Variants in SLC22A24 observed in about 807,000 individuals in gnomAD.
The protein encoded by SLC22A24 is steroid transmembrane transporter SLC22A24.
SLC22A24 carries 53 observed loss-of-function variants against 49.8 expected under a neutral mutation model. The ratio of observed to expected loss-of-function variants is 1.06; its 90% CI spans 0.85 to 1.34. The LOEUF is 1.34. SLC22A24 is among the 40% of genes most tolerant of loss of function. The probability of loss-of-function intolerance (pLI) is 0.00; values close to 1 mark genes in which losing one functional copy is unlikely to be tolerated. For missense variants in SLC22A24, 786 were observed against 675.9 expected (o/e 1.16, Z -1.81); for synonymous variants, 302 against 256.4 (o/e 1.18, Z -1.70).
chr11:63,143,599 C>A lies in SLC22A24; in HGVS notation c.181G>T (p.Asp61Tyr). The A allele has an allele frequency of 1.3e-6, 2 of 1,576,128 alleles. No individual in the cohort carries two copies. The highest frequency in any genetic ancestry group is 1.4e-5 in the African/African-American group (1 of 73,528). The change falls in exon 1 of 10, where the codon GAC becomes TAC. Residue 61 changes from aspartate (D) to tyrosine (Y), a missense_variant. Transcript: ENST00000612278. ...VPLLDNDTVS[D>Y]NDTGTLSKDD... is the part of the protein sequence containing the mutation. Reference sequence around the variant, plus strand: ...TTGCTGAGGGTCCCGGTATCATTGTCAGACACAGTGTCATTGTCCAGGAGG... The same window carrying A: ...TTGCTGAGGGTCCCGGTATCATTGTAAGACACAGTGTCATTGTCCAGGAGG...
intron 5 of SLC22A24, among the ~76,000 whole-genome samples, chr11:63,103,926 C>A (rs10736722): frequency 6.6e-6 from 1 of 152,156 alleles, no homozygotes; most frequent in African/African-American, 2.4e-5. Flanking sequence ...TTCCCCTATA[C>A]GTCTAGGGTA....
At chr11:63,094,206 T>G (rs2087038421) in intron 6 of SLC22A24, among the ~76,000 whole-genome samples, 1 of 145,008 alleles carries the variant, frequency 6.9e-6, no homozygotes, top group African/African-American at 2.5e-5. Flanking sequence ...GTGTTCTCAT[T>G]GTTCAATTCC....
At chr11:63,110,778 A>G (rs985186946) in intron 4 of SLC22A24, among the ~76,000 whole-genome samples, 10 of 137,328 alleles carry the variant, frequency 7.3e-5, no homozygotes, top group Non-Finnish European at 3.2e-5. Flanking sequence ...TAGATATACA[A>G]TCATGTCGTC....
rs2087259622 is a variant in SLC22A24 at position 63,122,585 on chromosome 11, G to C, written c.507-3250C>G. On this transcript the variant is annotated intron_variant, in intron 2 of 9. Transcript: ENST00000612278. ...GCTGGAGTGCGGTGGTGCCATCTCG[G>C]CTCACTGCAACCTCCGCCTCCTGGG... Among the ~76,000 whole-genome samples, 3 of 152,126 alleles carry C rather than the reference G, an allele frequency of 2.0e-5. No individual in the cohort carries two copies. The South Asian group carries it at 6.2e-4, about 32-fold the overall frequency.
chr11:63,095,947 T>C (rs915170214), intron 6 of SLC22A24, 44 bp downstream of exon 6: 19 of 1,324,834 alleles, frequency 1.4e-5, no homozygotes, highest in South Asian at 7.7e-5. Flanking sequence ...AACAGTTTTG[T>C]GTCTCCAATA....
At chr11:63,127,012 G>T (rs1173941237) in intron 2 of SLC22A24, among the ~76,000 whole-genome samples, 1 of 152,026 alleles carries the variant, frequency 6.6e-6, no homozygotes, top group Non-Finnish European at 1.5e-5. Context: ...AAGTTCTAGG[G>T]TACATGTGCA....
intron 6 of SLC22A24, among the ~76,000 whole-genome samples, chr11:63,088,116 A>C (rs1285996529): frequency 6.6e-6 from 1 of 152,192 alleles, no homozygotes; most frequent in Non-Finnish European, 1.5e-5. Flanking sequence ...CCTGACCCCC[A>C]CGCCTCCTGA....
At chr11:63,115,227 G>C (rs2087203381) in intron 4 of SLC22A24, among the ~76,000 whole-genome samples, 1 of 152,214 alleles carries the variant, frequency 6.6e-6, no homozygotes, top group African/African-American at 2.4e-5. Context: ...CACCCAGTTC[G>C]AGCTTCCTGG....
Position 63,113,011 on chromosome 11 carries a change from CAAA to C in SLC22A24, c.830+5898_830+5900del, listed in dbSNP as rs869264212. Among the ~76,000 whole-genome samples, 69 of 12,022 alleles carry C rather than the reference CAAA, an allele frequency of 5.7e-3. 20 individuals are homozygous for C. Among genetic ancestry groups the C allele is most frequent in the African/African-American group, 0.024 (55 of 2,336 alleles). The allele number at this position is 12,022 out of a possible 152,430, so 7.9% of individuals were successfully genotyped here. On this transcript the variant is annotated intron_variant, in intron 4 of 9. Coordinates refer to ENST00000612278, the MANE Select transcript of SLC22A24 (RefSeq NM_001136506.2). ...GCCTGTGTGACAGCAGACTCTGTCT[CAAA>C]AAAAAAAAAAAAAAAAAAAAAATAT... is the stretch of plus-strand genomic sequence containing the variant.
At chr11:63,132,372 TA>T (rs1391193415) in intron 2 of SLC22A24, among the ~76,000 whole-genome samples, 1 of 152,228 alleles carries the variant, frequency 6.6e-6, no homozygotes, top group Non-Finnish European at 1.5e-5. Context: ...CTCTGGTTTT[TA>T]GAATTTTCCA....
chr11:63,106,062 C>T (rs1458244486), intron 4 of SLC22A24, among the ~76,000 whole-genome samples: 2 of 150,906 alleles, frequency 1.3e-5, no homozygotes, highest in African/African-American at 4.9e-5. Context: ...GGTATATCTC[C>T]TAAAGCTATC....
At chr11:63,122,067 A>G (rs774674577) in intron 2 of SLC22A24, among the ~76,000 whole-genome samples, 1 of 152,194 alleles carries the variant, frequency 6.6e-6, no homozygotes, top group Admixed American at 6.5e-5. Context: ...AAGGAAAATG[A>G]TTAACTGAAT....
intron 1 of SLC22A24, among the ~76,000 whole-genome samples, chr11:63,137,183 G>A (rs1775930851): frequency 6.6e-6 from 1 of 152,216 alleles, no homozygotes; most frequent in Non-Finnish European, 1.5e-5. Context: ...CTAGTAGGAA[G>A]AGTCCTGGTT....
intron 4 of SLC22A24, among the ~76,000 whole-genome samples, chr11:63,117,748 C>A (rs1565333949): frequency 6.6e-6 from 1 of 152,132 alleles, no homozygotes; most frequent in Non-Finnish European, 1.5e-5. Context: ...GTATATAATG[C>A]ATATAACACA....
intron 2 of SLC22A24, among the ~76,000 whole-genome samples, chr11:63,122,390 T>G (rs2087258184): frequency 6.6e-6 from 1 of 152,170 alleles, no homozygotes; most frequent in Non-Finnish European, 1.5e-5. Context: ...TCAATGAGGA[T>G]TATCCTTTCA....
Position 63,127,086 on chromosome 11 carries a change from G to A in SLC22A24, c.506+7579C>T, listed in dbSNP as rs569542029. ...ATTGGTTTGCTGCACCCATCAAGTC[G>A]TCATTTACATTAGGTATTTCTCCTA... On this transcript the variant is annotated intron_variant, in intron 2 of 9. Transcript: ENST00000612278. 5.3e-5 allele frequency among the ~76,000 whole-genome samples: 8 copies of A among 152,154 alleles called. No individual in the cohort carries two copies. In the East Asian group the frequency reaches 1.2e-3, roughly 22 times the overall value.
intron 2 of SLC22A24, 45 bp from the exon 3 acceptor site, chr11:63,119,380 A>G: frequency 2.1e-6 from 3 of 1,462,306 alleles, no homozygotes; most frequent in Non-Finnish European, 2.7e-6. Context: ...AACAAAAATA[A>G]CACGTGGAAA....
At chr11:63,087,973 T>G (rs116640987) in intron 6 of SLC22A24, among the ~76,000 whole-genome samples, 1 of 152,132 alleles carries the variant, frequency 6.6e-6, no homozygotes, top group Non-Finnish European at 1.5e-5. Context: ...GGAGTGGCTG[T>G]GGGCGCAGCT....
At chr11:63,133,058 G>A (rs1468642586) in intron 2 of SLC22A24, among the ~76,000 whole-genome samples, 1 of 152,156 alleles carries the variant, frequency 6.6e-6, no homozygotes, top group East Asian at 1.9e-4. Context: ...AGTATCGCAG[G>A]TCGATCTCAG....
Sources: gnomAD v4.1 joint callset for allele counts (sites outside exome capture counted in the v4.1 genomes callset) on GRCh38, gnomAD v4.1.1 for gene constraint, MANE v1.5 for transcripts, NCBI Gene and HGNC (gene_info 2026-07-23, HGNC 2026-07-21) for gene names.